Variants in IL9R observed in about 807,000 individuals in gnomAD.
The protein encoded by IL9R is interleukin 9 receptor.
In IL9R, 54 loss-of-function variants were observed where a neutral mutation model predicts 56.3. The observed-to-expected ratio is 0.96, with a 90% confidence interval of 0.77 to 1.20. The LOEUF is 1.20. IL9R is among the 50% of genes most tolerant of loss of function. The pLI, the probability that IL9R is intolerant of heterozygous loss-of-function variation, is 0.00. For missense variants in IL9R, 545 were observed against 629.8 expected, an observed-to-expected ratio of 0.87 and a Z score of 1.44; for synonymous variants, 212 against 250.2, an observed-to-expected ratio of 0.85 and a Z score of 1.44.
At chrX:156,000,863 G>C (rs1156948627) in intron 1 of IL9R, among the ~76,000 whole-genome samples, 1 of 152,174 alleles carries the variant, frequency 6.6e-6, no homozygotes, top group Non-Finnish European at 1.5e-5. Context: ...TTATGTGGAA[G>C]CTGGTGGGAA....
rs770715846 is a variant in IL9R at position 156,005,586 on chromosome X, C to T, written c.781+107C>T. ...TTTCACCCTCCTGTAAGCCCCTCCC[C>T]GAGGCAGCCATGCCTCAGTTGACCC... is the stretch of plus-strand genomic sequence containing the variant. On this transcript the variant is annotated intron_variant, in intron 6 of 8. Coordinates refer to ENST00000244174, the MANE Select transcript of IL9R (RefSeq NM_002186.3). The T allele has an allele frequency of 1.3e-4, 124 of 935,004 alleles. 1 individual carries two copies. In the East Asian group the frequency reaches 1.5e-3, roughly 12 times the overall value. The allele number at this position is 935,004 out of a possible 1,614,324, so 57.9% of individuals were successfully genotyped here.
At chrX:156,009,197 GTGTATGTGTC>G (rs2068263939) in intron 8 of IL9R, among the ~76,000 whole-genome samples, 1 of 149,774 alleles carries the variant, frequency 6.7e-6, no homozygotes, top group African/African-American at 2.5e-5. Flanking sequence ...GTGTCTGTGT[GTGTATGTGTC>G]TGTGTGTGTT....
chrX:156,005,275 C>G lies in IL9R; in HGVS notation c.580-3C>G, dbSNP rs754473857. 3.1e-6 allele frequency: 5 copies of G among 1,611,768 alleles called. No homozygotes were observed. In the South Asian group the frequency reaches 5.5e-5, roughly 18 times the overall value. ...CACCTGCTAACTGTCCCCACCCCCA[C>G]AGCAGGCCCAGCACAGGGATCACAT... On this transcript the variant is annotated splice_region_variant and splice_polypyrimidine_tract_variant and intron_variant, in intron 5 of 8. Coordinates refer to ENST00000244174, the MANE Select transcript of IL9R (RefSeq NM_002186.3).
chrX:156,000,450 GA>G (rs1214871957), intron 1 of IL9R, among the ~76,000 whole-genome samples: 1 of 152,168 alleles, frequency 6.6e-6, no homozygotes, highest in Admixed American at 6.5e-5. Context: ...GGGGCTCTGA[GA>G]ACAGACCAAA....
chrX:156,005,393 A>G lies in IL9R; in HGVS notation c.695A>G (p.Glu232Gly). 3.1e-6 allele frequency: 5 copies of G among 1,613,078 alleles called. No homozygotes were observed. The highest frequency in any genetic ancestry group is 3.4e-6 in the Non-Finnish European group (4 of 1,179,788). Reference sequence around the variant, plus strand: ...CTGCGTGTCCAGATGGCCACACTGGAGGATGATGTGGTAGAGGAGGAGCGT... The same window carrying G: ...CTGCGTGTCCAGATGGCCACACTGGGGGATGATGTGGTAGAGGAGGAGCGT... Reference protein sequence around the residue: ...ARLRVQMATLEDDVVEEERYT... With the variant: ...ARLRVQMATLGDDVVEEERYT... Residue 232 changes from glutamate (E) to glycine (G), a missense_variant, in exon 6 of 9, where the codon GAG becomes GGG. Physicochemically the swap from Glu to Gly is moderately conservative, Grantham distance 98. This residue lies in a region of IL9R where 431 missense variants were observed against 360.0 expected (regional missense o/e 1.20). Transcript: ENST00000244174.
intron 8 of IL9R, among the ~76,000 whole-genome samples, chrX:156,008,624 C>A (rs779068863): frequency 1.6e-4 from 25 of 152,224 alleles, no homozygotes; most frequent in Admixed American, 6.5e-4. Context: ...AACTAGGACA[C>A]CTGCCACGGG....
rs201701696 is a variant in IL9R at position 155,997,750 on chromosome X, C to G, written c.-10C>G. 2 of 1,613,594 alleles carry G rather than the reference C, an allele frequency of 1.2e-6. No homozygotes were observed. The highest frequency in any genetic ancestry group is 1.3e-5 in the African/African-American group (1 of 74,902). ...AATCACCTCCAGGTTGGGGATGCCTCAGACTTGTGATGGGACTGGGCAGAT... is the reference window on the plus strand; with the variant it reads ...AATCACCTCCAGGTTGGGGATGCCTGAGACTTGTGATGGGACTGGGCAGAT... On this transcript the variant is annotated 5_prime_UTR_variant, in exon 1 of 9. Transcript: ENST00000244174.
chrX:156,002,663 G>A (rs1428537129), intron 1 of IL9R, among the ~76,000 whole-genome samples: 2 of 152,156 alleles, frequency 1.3e-5, no homozygotes, highest in South Asian at 2.1e-4. Flanking sequence ...GTTTGAGGGT[G>A]TTCCTTACAC....
At chrX:156,009,182 TC>T (rs2068260596) in intron 8 of IL9R, among the ~76,000 whole-genome samples, 1 of 150,306 alleles carries the variant, frequency 6.7e-6, no homozygotes, top group African/African-American at 2.5e-5. Context: ...TCTGTGTGTG[TC>T]TGTGTGTCTG....
chrX:155,997,853 C>G, intron 1 of IL9R, 66 bp downstream of exon 1: 3 of 1,465,812 alleles, frequency 2.0e-6, no homozygotes, highest in Non-Finnish European at 2.9e-6. Flanking sequence ...CAGAGAGGGA[C>G]ATGTGGCCCT....
At chrX:156,008,359 C>T (rs1040357631) in intron 8 of IL9R, among the ~76,000 whole-genome samples, 6 of 151,488 alleles carry the variant, frequency 4.0e-5, no homozygotes, top group African/African-American at 1.5e-4. Context: ...GTCCCCTTCA[C>T]ACTGTGGCTC....
intron 1 of IL9R, among the ~76,000 whole-genome samples, chrX:155,998,758 G>A (rs1403634052): frequency 6.6e-6 from 1 of 151,980 alleles, no homozygotes; most frequent in Non-Finnish European, 1.5e-5. Flanking sequence ...GTTGAGTTGG[G>A]TGCAGGGGAT....
chrX:156,008,571 C>T (rs1329448683), intron 8 of IL9R, among the ~76,000 whole-genome samples: 1 of 152,202 alleles, frequency 6.6e-6, no homozygotes, highest in Non-Finnish European at 1.5e-5. Flanking sequence ...GTGACTGTCC[C>T]CTGGACTGTC....
chrX:156,000,762 T>C (rs1316805090), intron 1 of IL9R, among the ~76,000 whole-genome samples: 2 of 152,208 alleles, frequency 1.3e-5, no homozygotes, highest in Non-Finnish European at 2.9e-5. Context: ...TGCCTGCAGC[T>C]CCACCCCATT....
intron 1 of IL9R, 63 bp from the exon 2 acceptor site, chrX:156,002,843 C>A: frequency 6.2e-7 from 1 of 1,611,396 alleles, no homozygotes; most frequent in Non-Finnish European, 8.5e-7. Flanking sequence ...GGGAGCAATT[C>A]ATGGGGAGCA....
intron 4 of IL9R, 151 bp from the exon 5 acceptor site, chrX:156,004,269 C>T: frequency 4.2e-6 from 3 of 714,784 alleles, no homozygotes; most frequent in Non-Finnish European, 7.2e-6. Flanking sequence ...CCGCCTGGGG[C>T]TTTTGTGGAC....
intron 1 of IL9R, among the ~76,000 whole-genome samples, chrX:155,999,985 G>A (rs1311437584): frequency 2.6e-5 from 4 of 151,838 alleles, no homozygotes; most frequent in South Asian, 4.2e-4. Context: ...AATTAGCCAG[G>A]CGTGGTGACT....
chrX:156,001,870 C>A (rs1290929322), intron 1 of IL9R, among the ~76,000 whole-genome samples: 1 of 152,188 alleles, frequency 6.6e-6, no homozygotes, highest in Non-Finnish European at 1.5e-5. Flanking sequence ...GCCTCACGCT[C>A]CAGCATCCGG....
At chrX:156,001,813 C>T (rs185457213) in intron 1 of IL9R, among the ~76,000 whole-genome samples, 1 of 152,308 alleles carries the variant, frequency 6.6e-6, no homozygotes, top group Non-Finnish European at 1.5e-5. Context: ...CACCCAGCCC[C>T]TCATCTCTAG....
Sources: gnomAD v4.1 joint callset for allele counts (sites outside exome capture counted in the v4.1 genomes callset) on GRCh38, gnomAD v4.1.1 for gene constraint, gnomAD v4.1.1 regional missense constraint, MANE v1.5 for transcripts, NCBI Gene and HGNC (gene_info 2026-07-23, HGNC 2026-07-21) for gene names.